The following OR52N4 variants were observed in gnomAD, a reference collection of about 807,000 sequenced individuals.
The protein encoded by OR52N4 is olfactory receptor family 52 subfamily N member 4.
Under a neutral mutation model 15.0 loss-of-function variants are expected in OR52N4, and 15 were observed. The observed-to-expected ratio is 1.00, with a 90% CI of 0.67 to 1.54. The LOEUF (loss-of-function observed/expected upper bound fraction) is 1.54. Among genes scored for constraint, OR52N4 ranks in the 40% most tolerant of loss-of-function variants. OR52N4 has a pLI of 0.00. For synonymous variants in OR52N4, 143 were observed against 143.7 expected, an observed-to-expected ratio of 1.00 and a Z score of 0.03; for missense variants, 421 against 394.0, an observed-to-expected ratio of 1.07 and a Z score of -0.58.
chr11:5,749,794 G>C (rs1471513320), upstream of OR52N4, among the ~76,000 whole-genome samples: 1 of 151,854 alleles, frequency 6.6e-6, no homozygotes, highest in Non-Finnish European at 1.5e-5. Flanking sequence ...TTGGCCTACA[G>C]AGTTTAAGAA....
the OR52N4 span, among the ~76,000 whole-genome samples, chr11:5,746,815 A>G: frequency 4.6e-5 from 7 of 152,296 alleles, no homozygotes; most frequent in African/African-American, 1.7e-4. Context: ...TGTATTTACC[A>G]TAAGGGAAAT....
the OR52N4 span, among the ~76,000 whole-genome samples, chr11:5,739,835 C>T: frequency 7.8e-6 from 1 of 127,980 alleles, no homozygotes; most frequent in Non-Finnish European, 1.7e-5. Context: ...TGACCAGACA[C>T]AGTAAGAGGA....
At chr11:5,737,381 A>G in the OR52N4 span, 1 of 1,614,098 alleles carries the variant, frequency 6.2e-7, no homozygotes, top group Non-Finnish European at 8.5e-7. Flanking sequence ...TGTGTTGCAC[A>G]ACATCATCCC....
chr11:5,727,351 T>G, the OR52N4 span: 1 of 152,536 alleles, frequency 6.6e-6, no homozygotes, highest in Non-Finnish European at 1.5e-5. Context: ...TTATCTGCTT[T>G]TGCCACCTGC....
upstream of OR52N4, among the ~76,000 whole-genome samples, chr11:5,750,879 C>T (rs534545740): frequency 6.6e-6 from 1 of 151,862 alleles, no homozygotes; most frequent in Non-Finnish European, 1.5e-5. Flanking sequence ...CATTCACTTA[C>T]CTTAATTAAA....
chr11:5,729,576 A>G, the OR52N4 span, among the ~76,000 whole-genome samples: 1 of 152,238 alleles, frequency 6.6e-6, no homozygotes, highest in African/African-American at 2.4e-5. Context: ...ATGGGTTTCT[A>G]TACTTTGTAG....
chr11:5,737,164 G>A, the OR52N4 span: 2 of 1,613,974 alleles, frequency 1.2e-6, no homozygotes, highest in Non-Finnish European at 8.5e-7. Flanking sequence ...GGCTTGGAAT[G>A]GGGAGTGATC....
chr11:5,736,602 T>C, the OR52N4 span: 2,251 of 1,613,994 alleles, frequency 1.4e-3, 2 homozygotes, highest in Non-Finnish European at 1.8e-3. Flanking sequence ...TTCCCGGGCA[T>C]TCACAGCTGG....
chr11:5,737,344 G>A, the OR52N4 span: 32 of 1,613,922 alleles, frequency 2.0e-5, no homozygotes, highest in African/African-American at 3.1e-4. Context: ...CAGAGATGAA[G>A]GCTACTTTGA....
Position 5,755,610 on chromosome 11 carries a change from G to C in OR52N4, c.870G>C (p.Met290Ile), listed in dbSNP as rs1854299902. 3.7e-6 allele frequency: 6 copies of C among 1,613,768 alleles called. No individual in the cohort carries two copies. The highest frequency in any genetic ancestry group is 5.1e-6 in the Non-Finnish European group (6 of 1,179,784). Residue 290 changes from methionine to isoleucine, a missense_variant, in exon 2 of 2, where the codon ATG becomes ATC. Transcript: ENST00000641350. ...ANIYLLLPPT[M>I]NPIVYGVKTK... ...TTTATCTGCTCCTACCACCCACTAT[G>C]AACCCTATTGTCTATGGGGTGAAAA...
chr11:5,755,320 G>A lies in OR52N4; in HGVS notation c.580G>A (p.Val194Ile). 6.2e-7 allele frequency: 1 copy of A among 1,614,036 alleles called. No individual in the cohort carries two copies. Among genetic ancestry groups the A allele is most frequent in the Non-Finnish European group, 8.5e-7 (1 of 1,179,978 alleles). The change falls in exon 2 of 2, where the codon GTC becomes ATC. Residue 194 changes from valine to isoleucine, a missense_variant. Physicochemically the swap from Val to Ile is conservative, Grantham distance 29 (BLOSUM62 3). Coordinates refer to ENST00000641350, the MANE Select transcript of OR52N4 (RefSeq NM_001005175.5). ...TGTAGCCAAATTGTCCTGTGGTAAT[G>A]TCAAGGTCAATGCCATCTATGGTCT... ...MSVAKLSCGN[V>I]KVNAIYGLMV...
chr11:5,732,209 T>C, the OR52N4 span, among the ~76,000 whole-genome samples: 14 of 152,204 alleles, frequency 9.2e-5, no homozygotes, highest in Admixed American at 9.2e-4. Context: ...CCTTTTATCC[T>C]TTTCAGCATC....
the OR52N4 span, among the ~76,000 whole-genome samples, chr11:5,744,758 C>A: frequency 6.6e-6 from 1 of 152,000 alleles, no homozygotes; most frequent in Non-Finnish European, 1.5e-5. Flanking sequence ...ACTAAAAATA[C>A]AAAAATTAGC....
upstream of OR52N4, among the ~76,000 whole-genome samples, chr11:5,751,667 A>T (rs941538752): frequency 1.3e-5 from 2 of 152,130 alleles, no homozygotes; most frequent in African/African-American, 4.8e-5. Flanking sequence ...TATTTATTTT[A>T]AAATTGACAT....
At position 5,754,864 on chromosome 11, in the gene OR52N4, G is replaced by T. The variant is rs762582198; in HGVS notation, c.124G>T (p.Val42Leu). The T allele has an allele frequency of 1.1e-5, 17 of 1,613,668 alleles. No homozygotes were observed. Among genetic ancestry groups the T allele is most frequent in the Middle Eastern group, 1.6e-4 (1 of 6,084 alleles). The change falls in exon 2 of 2, where the codon GTA becomes TTA. Residue 42 changes from valine to leucine, a missense_variant. Transcript: ENST00000641350. ...PFCSMYVVAM[V>L]GNCGLLYLIH... ...CTGCTCTATGTATGTTGTGGCTATG[G>T]TAGGGAATTGTGGACTCCTCTACCT...
chr11:5,735,619 A>C, the OR52N4 span, among the ~76,000 whole-genome samples: 2 of 152,140 alleles, frequency 1.3e-5, no homozygotes, highest in African/African-American at 2.4e-5. Context: ...AATTATTTGC[A>C]GTAAGGGAAG....
chr11:5,746,273 T>G, the OR52N4 span, among the ~76,000 whole-genome samples: 1 of 152,014 alleles, frequency 6.6e-6, no homozygotes, highest in Non-Finnish European at 1.5e-5. Context: ...TGAAAGGAAA[T>G]GCAATCAAAA....
the OR52N4 span, among the ~76,000 whole-genome samples, chr11:5,730,413 G>A: frequency 0.05 from 7,570 of 151,674 alleles, 294 homozygotes; most frequent in East Asian, 0.2. Flanking sequence ...GGATGGTCTC[G>A]ATCTTCTGAC....
At chr11:5,731,906 T>G in the OR52N4 span, among the ~76,000 whole-genome samples, 4 of 152,326 alleles carry the variant, frequency 2.6e-5, no homozygotes, top group East Asian at 7.7e-4. Context: ...TTTTGATGTA[T>G]ATTTTCATTT....
Sources: allele counts gnomAD v4.1 joint callset (sites outside exome capture counted in the v4.1 genomes callset), GRCh38; gene constraint gnomAD v4.1.1; transcripts MANE v1.5; gene names NCBI Gene and HGNC (gene_info 2026-07-23, HGNC 2026-07-21).